The following MTSS1 variants were observed in gnomAD, a reference collection of about 807,000 sequenced individuals.
The protein encoded by MTSS1 is MTSS I-BAR domain containing 1.
In MTSS1, 18 loss-of-function variants were observed where a neutral mutation model predicts 79.0. That is an observed-to-expected ratio of 0.23 (90% confidence interval 0.16 to 0.34). The LOEUF is 0.34. MTSS1 is among the 10% of genes least tolerant of loss of function. MTSS1 has a pLI of 1.00. For synonymous variants in MTSS1, 341 were observed against 368.6 expected (o/e 0.93, Z 0.86); for missense variants, 815 against 986.2 (o/e 0.83, Z 2.33).
intron 3 of MTSS1, among the ~76,000 whole-genome samples, chr8:124,692,733 C>A (rs1345106591): frequency 1.3e-5 from 2 of 152,162 alleles, no homozygotes; most frequent in African/African-American, 4.8e-5. Context: ...GGGAGGAATC[C>A]TGCCAAGACC....
intron 3 of MTSS1, among the ~76,000 whole-genome samples, chr8:124,622,760 T>C (rs1587368396): frequency 6.9e-6 from 1 of 145,730 alleles, no homozygotes; most frequent in East Asian, 2.0e-4. Context: ...ACCACCGCAC[T>C]CTAGCCTGGG....
At position 124,728,265 on chromosome 8, in the gene MTSS1, C is replaced by G; in HGVS notation, c.-310G>C. ...GGTGCCCACTACGGAAACGGCAAAG[C>G]CCATCTTGATGCAGAGAAAATCGCC... On this transcript the variant is annotated 5_prime_UTR_variant, in exon 1 of 14. Transcript: ENST00000518547. The surrounding 1 kb of genome is among the most constrained non-coding windows in gnomAD (Gnocchi z 6.1). The G allele has an allele frequency of 3.9e-6, 1 of 253,500 alleles. No individual in the cohort carries two copies. Among genetic ancestry groups the G allele is most frequent in the Non-Finnish European group, 7.5e-6 (1 of 134,114 alleles). 15.7% of individuals were successfully genotyped at this position (253,500 alleles called of 1,614,324 possible). A position where few individuals can be genotyped will look rare whatever the true frequency, so the allele number is the denominator to read the frequency against.
intron 10 of MTSS1, among the ~76,000 whole-genome samples, chr8:124,559,317 T>A (rs959946722): frequency 6.6e-6 from 1 of 152,220 alleles, no homozygotes. Context: ...TTTTGCTACA[T>A]GTCTGCCTGG....
At chr8:124,634,810 G>C (rs1048701234) in intron 3 of MTSS1, among the ~76,000 whole-genome samples, 1 of 152,196 alleles carries the variant, frequency 6.6e-6, no homozygotes, top group African/African-American at 2.4e-5. Context: ...CGGAAATGCA[G>C]TGTCCTGGGG....
intron 9 of MTSS1, among the ~76,000 whole-genome samples, chr8:124,564,348 C>T (rs546593809): frequency 6.6e-6 from 1 of 152,222 alleles, no homozygotes; most frequent in Admixed American, 6.5e-5. Flanking sequence ...CAAAATCTGG[C>T]AGCTAATAAG....
At chr8:124,640,794 G>T (rs149449681) in intron 3 of MTSS1, among the ~76,000 whole-genome samples, 2 of 151,840 alleles carry the variant, frequency 1.3e-5, no homozygotes, top group East Asian at 3.9e-4. Context: ...CACCCTCCTC[G>T]GCCTCCCAAA....
chr8:124,636,536 T>C (rs1817029861), intron 3 of MTSS1, among the ~76,000 whole-genome samples: 1 of 152,172 alleles, frequency 6.6e-6, no homozygotes, highest in South Asian at 2.1e-4. Context: ...CAAAACATTT[T>C]CCAAAGGGCA....
At chr8:124,656,147 G>A (rs1261915126) in intron 3 of MTSS1, among the ~76,000 whole-genome samples, 4 of 152,180 alleles carry the variant, frequency 2.6e-5, no homozygotes, top group Admixed American at 2.6e-4. Flanking sequence ...ATAGATCCCC[G>A]TTTTTCAGGA....
chr8:124,615,802 G>A (rs1418226539), intron 3 of MTSS1, among the ~76,000 whole-genome samples: 1 of 152,202 alleles, frequency 6.6e-6, no homozygotes, highest in African/African-American at 2.4e-5. Context: ...GGGAAACTGA[G>A]GCAAGAACAA....
At chr8:124,663,200 C>A (rs987531770) in intron 3 of MTSS1, among the ~76,000 whole-genome samples, 30 of 152,304 alleles carry the variant, frequency 2.0e-4, no homozygotes, top group African/African-American at 7.0e-4. Flanking sequence ...GCCAGACACT[C>A]CCTTTCGGGC....
chr8:124,566,790 G>A (rs949865859), intron 8 of MTSS1, among the ~76,000 whole-genome samples: 1 of 152,206 alleles, frequency 6.6e-6, no homozygotes, highest in African/African-American at 2.4e-5. Context: ...ACCTGGCTAA[G>A]TGACTCCATC....
At chr8:124,574,714 C>T (rs1467806320) in intron 6 of MTSS1, among the ~76,000 whole-genome samples, 13 of 152,172 alleles carry the variant, frequency 8.5e-5, no homozygotes, top group Non-Finnish European at 1.8e-4. Context: ...GGCTCTCCAA[C>T]GGGGAAGAGC....
At chr8:124,590,478 T>G (rs1831662560) in intron 4 of MTSS1, among the ~76,000 whole-genome samples, 1 of 151,848 alleles carries the variant, frequency 6.6e-6, no homozygotes, top group Non-Finnish European at 1.5e-5. Flanking sequence ...AAGAGAAGAG[T>G]GACGAGACCC....
rs536409901 is a variant in MTSS1, at chr8:124,697,782, A to AT, written c.208+1743dup. On this transcript the variant is annotated intron_variant, in intron 3 of 13. Coordinates refer to ENST00000518547, the MANE Select transcript of MTSS1 (RefSeq NM_014751.6). ...ACAGACACACATAAGCTATGGAGTA[A>AT]TTTTTTTAAAGGACTTTTAAAAAGA... Among the ~76,000 whole-genome samples the AT allele has an allele frequency of 7.2e-4, 110 of 152,242 alleles. 4 individuals are homozygous for AT. The South Asian group carries it at 0.022, about 31-fold the overall frequency.
At chr8:124,714,545 C>A (rs1397408270) in intron 1 of MTSS1, among the ~76,000 whole-genome samples, 1 of 152,184 alleles carries the variant, frequency 6.6e-6, no homozygotes, top group Admixed American at 6.5e-5. Context: ...TCACTGCAAC[C>A]TCCGCCTCCA....
Position 124,563,298 on chromosome 8 carries a change from G to T in MTSS1, c.825-306C>A, listed in dbSNP as rs529729719. On this transcript the variant is annotated intron_variant, in intron 9 of 13. Transcript: ENST00000518547. ...CGAGGGAGGTCTGGGGTTCTAAAACGTCAAGTGCGCCCAACTCTGCTGCTT... is the reference window on the plus strand; with the variant it reads ...CGAGGGAGGTCTGGGGTTCTAAAACTTCAAGTGCGCCCAACTCTGCTGCTT... The T allele has an allele frequency of 5.0e-5, 19 of 378,780 alleles. No individual in the cohort carries two copies. The East Asian group carries it at 1.2e-3, about 23-fold the overall frequency. 23.5% of individuals were successfully genotyped at this position (378,780 alleles called of 1,614,324 possible).
chr8:124,709,781 A>G (rs1370092105), intron 1 of MTSS1, among the ~76,000 whole-genome samples: 2 of 152,100 alleles, frequency 1.3e-5, no homozygotes, highest in African/African-American at 4.8e-5. Context: ...CACTCCCCAC[A>G]CACACCACAC....
At chr8:124,636,118 C>T (rs1233618538) in intron 3 of MTSS1, among the ~76,000 whole-genome samples, 1 of 152,050 alleles carries the variant, frequency 6.6e-6, no homozygotes, top group Non-Finnish European at 1.5e-5. Context: ...TGTGCTGGAA[C>T]CTCAGCTACT....
At chr8:124,705,432 C>T (rs561930846) in intron 1 of MTSS1, among the ~76,000 whole-genome samples, 52 of 152,244 alleles carry the variant, frequency 3.4e-4, no homozygotes, top group African/African-American at 1.2e-3. Context: ...GATCGCACCA[C>T]TGCACTCCAG....
Sources: allele counts gnomAD v4.1 joint callset (sites outside exome capture counted in the v4.1 genomes callset), GRCh38; gene constraint gnomAD v4.1.1; non-coding constraint Gnocchi (gnomAD v3.1); transcripts MANE v1.5; gene names NCBI Gene and HGNC (gene_info 2026-07-23, HGNC 2026-07-21).